The following DNAAF8 variants were observed in gnomAD, a reference collection of about 807,000 sequenced individuals.
The protein encoded by DNAAF8 is dynein axonemal assembly factor 8.
In DNAAF8, 61 loss-of-function variants were observed where a neutral mutation model predicts 54.6. That is an observed-to-expected ratio of 1.12 (90% confidence interval 0.91 to 1.38). The LOEUF (loss-of-function observed/expected upper bound fraction) is 1.38, where lower values mean the gene tolerates loss of function less well. DNAAF8 is among the 40% of genes most tolerant of loss of function. The pLI is 0.00. For missense variants in DNAAF8, 837 were observed against 665.0 expected, an observed-to-expected ratio of 1.26 and a Z score of -2.85; for synonymous variants, 320 against 270.1, an observed-to-expected ratio of 1.18 and a Z score of -1.81.
chr16:4,747,349 T>C lies in DNAAF8; in HGVS notation c.1287T>C (p.Cys429=), dbSNP rs922514534. The stretch of plus-strand genomic sequence containing the variant: ...TGGTCTCATTGTGTCACAGGACCTG[T>C]ACCGGGAAAAGCCAGCTTCTCCAGC... ...ASPSSLGLRT[C]TGKSQLLQQL... is the part of the protein sequence containing the mutation. Residue 429 remains cysteine (C), a synonymous_variant, in exon 9 of 10, where the codon TGT becomes TGC. Coordinates refer to ENST00000299320, the MANE Select transcript of DNAAF8 (RefSeq NM_139170.3). 18 of 1,579,604 alleles carry C rather than the reference T, an allele frequency of 1.1e-5. No homozygotes were observed. The highest frequency in any genetic ancestry group is 1.6e-5 in the Non-Finnish European group (18 of 1,160,950).
Position 4,747,385 on chromosome 16 carries a change from C to T in DNAAF8, c.1323C>T (p.Ala441=), listed in dbSNP as rs765122035. Residue 441 remains alanine (A), a synonymous_variant, in exon 9 of 10, where the codon GCC becomes GCT. Coordinates refer to ENST00000299320, the MANE Select transcript of DNAAF8 (RefSeq NM_139170.3). The part of the protein sequence containing the change: ...GKSQLLQQLR[A]FQKGTAQPEL... ...GCCAGCTTCTCCAGCAGCTCAGGGC[C>T]TTTCAGAAGGGGACAGCCCAGCCCG... The T allele has an allele frequency of 1.2e-6, 2 of 1,608,840 alleles. No individual in the cohort carries two copies. Among genetic ancestry groups the T allele is most frequent in the East Asian group, 2.2e-5 (1 of 44,766 alleles).
At chr16:4,737,061 C>T (rs1469497632) in intron 2 of DNAAF8, among the ~76,000 whole-genome samples, 2 of 152,118 alleles carry the variant, frequency 1.3e-5, no homozygotes, top group Non-Finnish European at 2.9e-5. Flanking sequence ...TCGAGGGATT[C>T]TGCATTTGTG....
intron 3 of DNAAF8, among the ~76,000 whole-genome samples, chr16:4,739,071 A>G (rs1463267308): frequency 6.6e-6 from 1 of 151,978 alleles, no homozygotes; most frequent in Non-Finnish European, 1.5e-5. Flanking sequence ...GCACCCACCC[A>G]TCACCTTGAA....
intron 3 of DNAAF8, among the ~76,000 whole-genome samples, chr16:4,739,554 T>C (rs1263213173): frequency 6.6e-6 from 1 of 150,992 alleles, no homozygotes; most frequent in Admixed American, 6.6e-5. Context: ...CCAACTTTTT[T>C]TTTTTTTTTT....
At chr16:4,743,202 C>T (rs767825463) in intron 5 of DNAAF8, 42 bp downstream of exon 5, 5 of 1,417,212 alleles carry the variant, frequency 3.5e-6, no homozygotes, top group Non-Finnish European at 4.9e-6. Flanking sequence ...TCCCCACAAG[C>T]AGCACCTTCC....
chr16:4,734,953 A>AC (rs1215376815), intron 1 of DNAAF8: 2 of 151,374 alleles, frequency 1.3e-5, no homozygotes, highest in Non-Finnish European at 2.9e-5. Context: ...TGAGAAACCC[A>AC]CCCCGAGACG....
intron 3 of DNAAF8, among the ~76,000 whole-genome samples, chr16:4,738,908 A>C (rs1359911937): frequency 6.6e-6 from 1 of 152,076 alleles, no homozygotes; most frequent in Non-Finnish European, 1.5e-5. Flanking sequence ...TAATAAAGAA[A>C]AGAAAACAGT....
chr16:4,738,664 C>T (rs545818613), intron 3 of DNAAF8, among the ~76,000 whole-genome samples: 1 of 152,286 alleles, frequency 6.6e-6, no homozygotes, highest in East Asian at 1.9e-4. Context: ...GGGTGGATCA[C>T]TTGAAGTCAG....
Position 4,740,464 on chromosome 16 carries a change from C to A in DNAAF8, c.588C>A (p.Arg196=), listed in dbSNP as rs2081948591. The change falls in exon 4 of 10, where the codon CGC becomes CGA. Residue 196 remains arginine, a synonymous_variant. Coordinates refer to ENST00000299320, the MANE Select transcript of DNAAF8 (RefSeq NM_139170.3). ...LSTASQESVN[R]RALRQERRKM... The stretch of plus-strand genomic sequence containing the variant: ...CTGCCTCACAAGAATCTGTGAACCG[C>A]CGGGCCCTCCGACAGGAGAGAAGGA... 6.2e-7 allele frequency: 1 copy of A among 1,613,936 alleles called. No homozygotes were observed. The highest frequency in any genetic ancestry group is 1.3e-5 in the African/African-American group (1 of 74,920).
rs2142214591 is a variant in DNAAF8, at chr16:4,746,915, CT to C, written c.1182-11del. The C allele has an allele frequency of 6.5e-7, 1 of 1,541,760 alleles. No individual in the cohort carries two copies. The highest frequency in any genetic ancestry group is 2.5e-5 in the East Asian group (1 of 40,284). ...AGTGGGCACATCCAGAAACCCATTT[CT>C]CTCCCTGCAGCTCCAGCCACAGCTC... is the stretch of plus-strand genomic sequence containing the variant. On this transcript the variant is annotated splice_polypyrimidine_tract_variant and intron_variant, in intron 7 of 9. Coordinates refer to ENST00000299320, the MANE Select transcript of DNAAF8 (RefSeq NM_139170.3).
chr16:4,747,679 G>C (rs1199345779), intron 9 of DNAAF8, 45 bp downstream of exon 9: 1 of 1,539,830 alleles, frequency 6.5e-7, no homozygotes, highest in African/African-American at 1.4e-5. Context: ...GACTTGCCAT[G>C]GACCCTGGGC....
At position 4,734,663 on chromosome 16, in the gene DNAAF8, T is replaced by C. The variant is rs568346698; in HGVS notation, c.-87T>C. 6.6e-6 allele frequency: 1 copy of C among 151,990 alleles called. No homozygotes were observed. Among genetic ancestry groups the C allele is most frequent in the South Asian group, 2.1e-4 (1 of 4,812 alleles). The allele number at this position is 151,990 out of a possible 1,614,324, so 9.4% of individuals were successfully genotyped here. On this transcript the variant is annotated 5_prime_UTR_variant, in exon 1 of 10. Coordinates refer to ENST00000299320, the MANE Select transcript of DNAAF8 (RefSeq NM_139170.3). ...GCGCTGGAGGCTGTTTATAGCGCTG[T>C]CAGGACAGCGCGGGGAGTGGAGGCA...
intron 3 of DNAAF8, 67 bp from the exon 4 acceptor site, chr16:4,740,086 C>A (rs2081942991): frequency 2.2e-6 from 3 of 1,386,626 alleles, no homozygotes; most frequent in South Asian, 2.9e-5. Context: ...ACATATTTTT[C>A]TATGAAAAAC....
At chr16:4,741,817 G>C (rs141654476) in intron 4 of DNAAF8, among the ~76,000 whole-genome samples, 1 of 152,180 alleles carries the variant, frequency 6.6e-6, no homozygotes, top group Non-Finnish European at 1.5e-5. Flanking sequence ...TAAAACACTG[G>C]GGAAAAAGAG....
intron 1 of DNAAF8, chr16:4,735,231 C>T (rs960121720): frequency 1.3e-5 from 2 of 152,302 alleles, no homozygotes; most frequent in Admixed American, 6.5e-5. Context: ...TGGAGGCCCT[C>T]TTCATCCCGA....
rs185497673 is a variant in DNAAF8, at chr16:4,738,276, G to C, written c.276+330G>C. On this transcript the variant is annotated intron_variant, in intron 3 of 9. Transcript: ENST00000299320. ...ATTGTCACAACTGCTTGTCCTAATT[G>C]TCTCTCCCTTAACCCAGCTGGCTTC... Among the ~76,000 whole-genome samples the C allele has an allele frequency of 8.7e-4, 132 of 152,222 alleles. 1 individual carries two copies. Among genetic ancestry groups the C allele is most frequent in the Non-Finnish European group, 1.9e-4 (13 of 68,012 alleles).
intron 3 of DNAAF8, among the ~76,000 whole-genome samples, chr16:4,739,159 T>G (rs2081929338): frequency 6.6e-6 from 1 of 151,768 alleles, no homozygotes; most frequent in Non-Finnish European, 1.5e-5. Context: ...CCAGGGCAGC[T>G]AAGAACTCTG....
At chr16:4,738,826 G>A (rs2142202083) in intron 3 of DNAAF8, among the ~76,000 whole-genome samples, 1 of 152,110 alleles carries the variant, frequency 6.6e-6, no homozygotes, top group Admixed American at 6.6e-5. Flanking sequence ...AGAGATGGCA[G>A]TGAGCCAAGA....
chr16:4,739,262 C>CTTTTTTTTT lies in DNAAF8; in HGVS notation c.277-889_277-888insTTTTTTTTT, dbSNP rs1596482355. Among the ~76,000 whole-genome samples the CTTTTTTTTT allele has an allele frequency of 1.7e-4, 6 of 36,228 alleles. 1 individual carries two copies. The highest frequency in any genetic ancestry group is 4.5e-4 in the African/African-American group (6 of 13,432). 23.8% of individuals were successfully genotyped at this position (36,228 alleles called of 152,430 possible). A position where few individuals can be genotyped will look rare whatever the true frequency, so the allele number is the denominator to read the frequency against. ...CAGAAACTCTTCTGGATGATTTTTT[C>CTTTTTTTTT]TTGTTTTTTTTTTTTTTTTTTTTTG... On this transcript the variant is annotated intron_variant, in intron 3 of 9. Transcript: ENST00000299320.
Sources: allele counts gnomAD v4.1 joint callset (sites outside exome capture counted in the v4.1 genomes callset), GRCh38; gene constraint gnomAD v4.1.1; transcripts MANE v1.5; gene names NCBI Gene and HGNC (gene_info 2026-07-23, HGNC 2026-07-21).